STIM1: variants seen among roughly 807,000 people sequenced by gnomAD.
STIM1 encodes the protein stromal interaction molecule 1.
In STIM1, 25 loss-of-function variants were observed where a neutral mutation model predicts 74.7. The ratio of observed to expected loss-of-function variants is 0.33; its 90% CI spans 0.24 to 0.47. STIM1 has a LOEUF of 0.47. Among genes scored for constraint, STIM1 ranks in the 20% least tolerant of loss-of-function variants. The pLI is 1.00. For missense variants in STIM1, 728 were observed against 920.8 expected, an observed-to-expected ratio of 0.79 and a Z score of 2.71; for synonymous variants, 328 against 348.8, an observed-to-expected ratio of 0.94 and a Z score of 0.66.
chr11:3,885,601 C>T (rs1194849491), intron 1 of STIM1, among the ~76,000 whole-genome samples: 1 of 152,180 alleles, frequency 6.6e-6, no homozygotes, highest in Non-Finnish European at 1.5e-5. Context: ...CAAAGGTGGA[C>T]ACATTCCAGT....
At chr11:3,858,542 A>G (rs978877117) in intron 1 of STIM1, among the ~76,000 whole-genome samples, 4 of 152,138 alleles carry the variant, frequency 2.6e-5, no homozygotes, top group African/African-American at 7.2e-5. Flanking sequence ...CCTTGGGTCT[A>G]CCTGGGGTTT....
At chr11:3,867,782 C>T (rs2090913710) in intron 1 of STIM1, among the ~76,000 whole-genome samples, 2 of 152,202 alleles carry the variant, frequency 1.3e-5, no homozygotes, top group Non-Finnish European at 2.9e-5. Context: ...TGGCCATATA[C>T]ACAGAGCCCC....
intron 7 of STIM1, among the ~76,000 whole-genome samples, chr11:4,078,688 A>C (rs2094449876): frequency 6.6e-6 from 1 of 151,546 alleles, no homozygotes; most frequent in South Asian, 2.1e-4. Flanking sequence ...CTCCTGCCTC[A>C]GCCTCCCGAA....
chr11:3,967,756 C>A, intron 2 of STIM1, 74 bp downstream of exon 2: 1 of 1,599,392 alleles, frequency 6.3e-7, no homozygotes, highest in Non-Finnish European at 8.6e-7. Context: ...CTTAGACAGC[C>A]TCTTCCCTGG....
chr11:4,052,633 C>A (rs1174810287), intron 3 of STIM1, among the ~76,000 whole-genome samples: 2 of 152,258 alleles, frequency 1.3e-5, no homozygotes, highest in East Asian at 1.9e-4. Context: ...ACCATGAAAA[C>A]CCTAGAAGAA....
At chr11:3,956,264 G>A (rs1249413229) in intron 1 of STIM1, among the ~76,000 whole-genome samples, 1 of 152,160 alleles carries the variant, frequency 6.6e-6, no homozygotes, top group Non-Finnish European at 1.5e-5. Context: ...TCTCCTCTGG[G>A]AGAGGCATGC....
chr11:3,950,379 G>C (rs925517523), intron 1 of STIM1, among the ~76,000 whole-genome samples: 1 of 152,096 alleles, frequency 6.6e-6, no homozygotes, highest in African/African-American at 2.4e-5. Flanking sequence ...AGATCTGCCC[G>C]CCTCGGCCTC....
At chr11:3,934,593 T>C (rs1465651125) in intron 1 of STIM1, among the ~76,000 whole-genome samples, 1 of 152,252 alleles carries the variant, frequency 6.6e-6, no homozygotes, top group Non-Finnish European at 1.5e-5. Context: ...TGAGGGAGAC[T>C]AGAGTCTCAA....
chr11:3,935,128 T>C (rs1335690376), intron 1 of STIM1, among the ~76,000 whole-genome samples: 2 of 152,238 alleles, frequency 1.3e-5, no homozygotes, highest in Non-Finnish European at 2.9e-5. Flanking sequence ...TCTTTTAAAT[T>C]GGCTCTCTTG....
chr11:3,960,552 A>G (rs2093274617), intron 1 of STIM1, among the ~76,000 whole-genome samples: 1 of 152,232 alleles, frequency 6.6e-6, no homozygotes, highest in African/African-American at 2.4e-5. Flanking sequence ...AGATCCATTC[A>G]AAGTGTAAGA....
At chr11:3,924,100 G>A (rs533200447) in intron 1 of STIM1, among the ~76,000 whole-genome samples, 29 of 151,718 alleles carry the variant, frequency 1.9e-4, no homozygotes, top group Non-Finnish European at 2.4e-4. Context: ...CCACAGGCTT[G>A]AGCCACCATG....
intron 1 of STIM1, among the ~76,000 whole-genome samples, chr11:3,904,651 A>G (rs527725111): frequency 3.0e-4 from 45 of 152,262 alleles, no homozygotes; most frequent in African/African-American, 1.1e-3. Context: ...GTAGCAGATG[A>G]TGAGGCTGGA....
intron 1 of STIM1, among the ~76,000 whole-genome samples, chr11:3,865,738 A>G (rs115867084): frequency 0.016 from 2,407 of 152,270 alleles, 55 homozygotes; most frequent in African/African-American, 0.055. Context: ...AGCTGGCTCC[A>G]TTATGGATTT....
intron 1 of STIM1, among the ~76,000 whole-genome samples, chr11:3,919,914 C>G (rs1320323139): frequency 6.6e-6 from 1 of 152,016 alleles, no homozygotes; most frequent in East Asian, 1.9e-4. Flanking sequence ...TCAGTCTGCA[C>G]AAAAAATTAA....
chr11:4,038,422 A>AT (rs1052518288), intron 3 of STIM1, among the ~76,000 whole-genome samples: 5 of 148,230 alleles, frequency 3.4e-5, no homozygotes, highest in South Asian at 2.1e-4. Flanking sequence ...TATAATAATA[A>AT]AAAAAAAAAG....
chr11:3,955,469 G>T (rs954101768), intron 1 of STIM1, among the ~76,000 whole-genome samples: 12 of 152,126 alleles, frequency 7.9e-5, no homozygotes, highest in African/African-American at 2.9e-4. Flanking sequence ...GTTACTGTGG[G>T]GTATGGTTAC....
chr11:3,965,817 C>T (rs2093334769), intron 1 of STIM1, among the ~76,000 whole-genome samples: 1 of 151,746 alleles, frequency 6.6e-6, no homozygotes, highest in Non-Finnish European at 1.5e-5. Context: ...ACTGGCCTGG[C>T]CAACATGCTG....
In STIM1 at chr11:3,902,829, G is replaced by A. The variant is rs148814780; in HGVS notation, c.139+46420G>A. Among the ~76,000 whole-genome samples the A allele has an allele frequency of 8.4e-3, 1,285 of 152,316 alleles. 8 individuals are homozygous for A. The highest frequency in any genetic ancestry group is 0.014 in the Non-Finnish European group (950 of 68,034). On this transcript the variant is annotated intron_variant, in intron 1 of 12. Coordinates refer to ENST00000526596, the MANE Select transcript of STIM1 (RefSeq NM_001382567.1). ...CAGCTGAAGGTAGCATTGCCAGAAG[G>A]AGGAGCTGGGCAGATTGCAATTGGT...
At chr11:3,908,693 G>A (rs2092510628) in intron 1 of STIM1, among the ~76,000 whole-genome samples, 2 of 152,018 alleles carry the variant, frequency 1.3e-5, no homozygotes, top group South Asian at 4.2e-4. Context: ...ACATTGTCAA[G>A]CTCAAATAAA....
Sources: allele counts gnomAD v4.1 joint callset (sites outside exome capture counted in the v4.1 genomes callset), GRCh38; gene constraint gnomAD v4.1.1; transcripts MANE v1.5; gene names NCBI Gene and HGNC (gene_info 2026-07-23, HGNC 2026-07-21).